Variants in ERCC8 observed in about 807,000 individuals in gnomAD.
ERCC8 encodes DNA excision repair protein ERCC-8.
A neutral mutation model predicts 54.9 loss-of-function variants in ERCC8; 52 were observed. The observed-to-expected ratio is 0.95, with a 90% CI of 0.76 to 1.19. The LOEUF is 1.19. Among genes scored for constraint, ERCC8 ranks in the 50% most tolerant of loss-of-function variants. The pLI, the probability that ERCC8 is intolerant of heterozygous loss-of-function variation, is 0.00. For missense variants in ERCC8, 514 were observed against 466.1 expected (o/e 1.10, Z -0.95); for synonymous variants, 146 against 157.2 (o/e 0.93, Z 0.53).
rs1194638470 is a variant in ERCC8, at chr5:60,873,180, G to A, written c.*1435C>T. 6.6e-6 allele frequency among the ~76,000 whole-genome samples: 1 copy of A among 152,092 alleles called. No homozygotes were observed. The highest frequency in any genetic ancestry group is 6.6e-5 in the Admixed American group (1 of 15,262). ...ATGTAAAGTGTTCTTACCACAAAAT[G>A]GTAACCATGTGAGGCATATGTCAGT... On this transcript the variant is annotated 3_prime_UTR_variant, in exon 12 of 12. Transcript: ENST00000676185.
In ERCC8 at chr5:60,868,602, G is replaced by A. The variant is rs1306332603; in HGVS notation, c.*6013C>T. ...AAGAAGCCACATGGCAGCAAAAGAA[G>A]TATGCCTTCTGTATCTGAGGATGTT... is the stretch of plus-strand genomic sequence containing the variant. On this transcript the variant is annotated 3_prime_UTR_variant, in exon 12 of 12. Coordinates refer to ENST00000676185, the MANE Select transcript of ERCC8 (RefSeq NM_000082.4). 6.6e-6 allele frequency among the ~76,000 whole-genome samples: 1 copy of A among 152,200 alleles called. No individual in the cohort carries two copies. The highest frequency in any genetic ancestry group is 6.5e-5 in the Admixed American group (1 of 15,284).
chr5:60,893,918 A>G (rs1748645577), intron 9 of ERCC8, among the ~76,000 whole-genome samples: 1 of 151,524 alleles, frequency 6.6e-6, no homozygotes, highest in East Asian at 1.9e-4. Flanking sequence ...ATCTTGCAAA[A>G]TTTTACCCAT....
In ERCC8 at chr5:60,868,503, T is replaced by C. The variant is rs2112445534; in HGVS notation, c.*6112A>G. ...AATTTTACCCCCTTCCTTTGAAATT[T>C]TAATTGTCTAATTATTAGGTTGGTG... On this transcript the variant is annotated 3_prime_UTR_variant, in exon 12 of 12. Coordinates refer to ENST00000676185, the MANE Select transcript of ERCC8 (RefSeq NM_000082.4). Among the ~76,000 whole-genome samples, 1 of 152,338 alleles carries C rather than the reference T, an allele frequency of 6.6e-6. No individual in the cohort carries two copies. Among genetic ancestry groups the C allele is most frequent in the Admixed American group, 6.5e-5 (1 of 15,302 alleles).
At position 60,945,013 on chromosome 5, in the gene ERCC8, T is replaced by C; in HGVS notation, c.-5A>G. The C allele has an allele frequency of 1.9e-6, 3 of 1,613,256 alleles. No homozygotes were observed. The highest frequency in any genetic ancestry group is 2.2e-5 in the East Asian group (1 of 44,854). On this transcript the variant is annotated 5_prime_UTR_variant, in exon 1 of 12. Transcript: ENST00000676185. ...TGCGGACAAAAACCCCAGCATATCG[T>C]GTCCTCACACCGGCTGGAGCACTGG...
chr5:60,905,510 A>G (rs1484096453), intron 4 of ERCC8, among the ~76,000 whole-genome samples: 3 of 152,050 alleles, frequency 2.0e-5, no homozygotes, highest in African/African-American at 7.2e-5. Flanking sequence ...ACCCTGGGTG[A>G]CCCCAAATGT....
intron 11 of ERCC8, among the ~76,000 whole-genome samples, chr5:60,875,435 T>A (rs965652672): frequency 2.6e-5 from 4 of 152,216 alleles, no homozygotes; most frequent in Non-Finnish European, 5.9e-5. Flanking sequence ...ACTACAGAAA[T>A]TTTAATCATC....
chr5:60,892,412 G>A (rs1748589862), intron 9 of ERCC8: 1 of 547,720 alleles, frequency 1.8e-6, no homozygotes, highest in Admixed American at 2.0e-5. Flanking sequence ...AAAGAACTTG[G>A]TCATTTCCTT....
Position 60,928,894 on chromosome 5 carries a change from G to C in ERCC8, c.143C>G (p.Thr48Ser), listed in dbSNP as rs540126251. Reference protein sequence around the residue: ...VERIHGGGINTLDIEPVEGRY... With the variant: ...VERIHGGGINSLDIEPVEGRY... ...CCCTTCAACAGGTTCAATGTCAAGG[G>C]TGTTAATTCCACCGCCGTGGATTCT... is the stretch of plus-strand genomic sequence containing the variant. Residue 48 changes from threonine to serine, a missense_variant, in exon 2 of 12, where the codon ACC (threonine) becomes AGC (serine). By Grantham distance (58) the Thr-to-Ser change is moderately conservative. Coordinates refer to ENST00000676185, the MANE Select transcript of ERCC8 (RefSeq NM_000082.4). 2 of 1,605,486 alleles carry C rather than the reference G, an allele frequency of 1.2e-6. No individual in the cohort carries two copies. Among genetic ancestry groups the C allele is most frequent in the African/African-American group, 2.7e-5 (2 of 74,810 alleles).
chr5:60,904,895 A>G, intron 4 of ERCC8, 22 bp from the exon 5 acceptor site: 2 of 1,189,372 alleles, frequency 1.7e-6, no homozygotes, highest in East Asian at 2.3e-5. Flanking sequence ...AAGACATTTA[A>G]AAAGTATAAG....
At chr5:60,930,899 C>T (rs1188337953) in intron 1 of ERCC8, among the ~76,000 whole-genome samples, 1 of 151,694 alleles carries the variant, frequency 6.6e-6, no homozygotes, top group East Asian at 1.9e-4. Flanking sequence ...TTGAGGTCAG[C>T]GATTCAAGAT....
chr5:60,874,743 G>C, intron 11 of ERCC8, 60 bp from the exon 12 acceptor site: 2 of 1,397,042 alleles, frequency 1.4e-6, no homozygotes, highest in Non-Finnish European at 2.0e-6. Context: ...CATAATTTTA[G>C]GCTCACAATA....
At chr5:60,875,245 G>C (rs1207526583) in intron 11 of ERCC8, among the ~76,000 whole-genome samples, 2 of 152,314 alleles carry the variant, frequency 1.3e-5, no homozygotes, top group East Asian at 3.9e-4. Flanking sequence ...GTACTTATTT[G>C]TAAGCAGTGA....
chr5:60,875,690 T>G (rs1272893318), intron 11 of ERCC8, among the ~76,000 whole-genome samples: 2 of 152,040 alleles, frequency 1.3e-5, no homozygotes, highest in Non-Finnish European at 1.5e-5. Flanking sequence ...CTTTTATAAC[T>G]TAGAGAAATT....
At chr5:60,899,799 A>C (rs1396379878) in intron 7 of ERCC8, 72 bp from the exon 8 acceptor site, 1 of 1,089,422 alleles carries the variant, frequency 9.2e-7, no homozygotes, top group Non-Finnish European at 1.4e-6. Flanking sequence ...CACCTTTCTA[A>C]TTTTATGGCA....
chr5:60,872,304 G>GA lies in ERCC8; in HGVS notation c.*2310dup. 6.6e-6 allele frequency among the ~76,000 whole-genome samples: 1 copy of GA among 152,082 alleles called. No individual in the cohort carries two copies. Among genetic ancestry groups the GA allele is most frequent in the Non-Finnish European group, 1.5e-5 (1 of 68,012 alleles). On this transcript the variant is annotated 3_prime_UTR_variant, in exon 12 of 12. Coordinates refer to ENST00000676185, the MANE Select transcript of ERCC8 (RefSeq NM_000082.4). The stretch of plus-strand genomic sequence containing the variant: ...GTAACAAAAGCACAAGTACAGAAAT[G>GA]AAATTACATGAAACTAAAAAGCTTC...
At chr5:60,943,765 C>T (rs1750337285) in intron 1 of ERCC8, among the ~76,000 whole-genome samples, 1 of 152,026 alleles carries the variant, frequency 6.6e-6, no homozygotes. Context: ...CCATTTGAGA[C>T]ATTCTAGATA....
At chr5:60,880,230 G>C (rs2112461291) in intron 11 of ERCC8, among the ~76,000 whole-genome samples, 1 of 152,348 alleles carries the variant, frequency 6.6e-6, no homozygotes, top group South Asian at 2.1e-4. Context: ...TCTGCCAAGA[G>C]ATCTGCTGTT....
Position 60,904,621 on chromosome 5 carries a change from AGTGTGT to A in ERCC8, c.481+165_481+170del, listed in dbSNP as rs35456838. Among the ~76,000 whole-genome samples the A allele has an allele frequency of 0.12, 7,305 of 62,376 alleles. 848 individuals are homozygous for A. The highest frequency in any genetic ancestry group is 0.26 in the East Asian group (306 of 1,194). 40.9% of individuals were successfully genotyped at this position (62,376 alleles called of 152,430 possible). A position where few individuals can be genotyped will look rare whatever the true frequency, so the allele number is the denominator to read the frequency against. ...AGTACAATATCTGTTGAATATATAT[AGTGTGT>A]GTGTGTGTATATATATATATATATA... On this transcript the variant is annotated intron_variant, in intron 5 of 11. Transcript: ENST00000676185.
intron 3 of ERCC8, among the ~76,000 whole-genome samples, chr5:60,920,335 A>G (rs1240674525): frequency 6.6e-6 from 1 of 152,010 alleles, no homozygotes; most frequent in African/African-American, 2.4e-5. Context: ...TTCCAGTGAT[A>G]CTACTTTTAA....
Sources: gnomAD v4.1 joint callset for allele counts (sites outside exome capture counted in the v4.1 genomes callset) on GRCh38, gnomAD v4.1.1 for gene constraint, MANE v1.5 for transcripts, NCBI Gene and HGNC (gene_info 2026-07-23, HGNC 2026-07-21) for gene names.